BTRC: variants seen among roughly 807,000 people sequenced by gnomAD.
BTRC encodes F-box/WD repeat-containing protein 1A.
Under a neutral mutation model 85.5 loss-of-function variants are expected in BTRC, and 42 were observed. The ratio of observed to expected loss-of-function variants is 0.49; its 90% CI spans 0.38 to 0.64. BTRC has a LOEUF of 0.64. Ranked by LOEUF, BTRC falls within the 30% of genes least tolerant of loss-of-function variation. BTRC has a pLI of 0.00. For missense variants in BTRC, 594 were observed against 743.5 expected, an observed-to-expected ratio of 0.80 and a Z score of 2.34; for synonymous variants, 255 against 263.3, an observed-to-expected ratio of 0.97 and a Z score of 0.30.
Position 101,431,540 on chromosome 10 carries a change from CTG to C in BTRC, c.156+1089_156+1090del, listed in dbSNP as rs567766351. Among the ~76,000 whole-genome samples, 41 of 152,276 alleles carry C rather than the reference CTG, an allele frequency of 2.7e-4. 1 individual carries two copies. Among genetic ancestry groups the C allele is most frequent in the Middle Eastern group, 3.4e-3 (1 of 294 alleles). On this transcript the variant is annotated intron_variant, in intron 2 of 14. Coordinates refer to ENST00000370187, the MANE Select transcript of BTRC (RefSeq NM_033637.4). ...GATTGTTTTCTTGACTGAGTCTTATCTGCGTACCTCAGGTATTTGGAATTTGT... is the reference window on the plus strand; with the variant it reads ...GATTGTTTTCTTGACTGAGTCTTATCCGTACCTCAGGTATTTGGAATTTGT...
At chr10:101,365,769 G>T (rs1942355394) in intron 1 of BTRC, among the ~76,000 whole-genome samples, 1 of 152,154 alleles carries the variant, frequency 6.6e-6, no homozygotes, top group South Asian at 2.1e-4. Flanking sequence ...GAGCCACCAT[G>T]CCTAGACTTC....
In BTRC at chr10:101,383,398, A is replaced by T. The variant is rs66482315; in HGVS notation, c.48+29170A>T. Among the ~76,000 whole-genome samples the T allele has an allele frequency of 5.1e-3, 503 of 99,338 alleles. 1 individual carries two copies. The highest frequency in any genetic ancestry group is 0.012 in the South Asian group (36 of 2,960). 65.2% of individuals were successfully genotyped at this position (99,338 alleles called of 152,430 possible). On this transcript the variant is annotated intron_variant, in intron 1 of 14. Coordinates refer to ENST00000370187, the MANE Select transcript of BTRC (RefSeq NM_033637.4). Reference sequence around the variant, plus strand: ...GTGGCTTCTATAAGTCTTCCTTTTTAAAAAAAAAAAAAAAGGCTAGTCAAG... The same window carrying T: ...GTGGCTTCTATAAGTCTTCCTTTTTTAAAAAAAAAAAAAAGGCTAGTCAAG...
At chr10:101,361,596 G>A (rs1337996415) in intron 1 of BTRC, among the ~76,000 whole-genome samples, 4 of 152,200 alleles carry the variant, frequency 2.6e-5, no homozygotes, top group African/African-American at 9.7e-5. Context: ...TCTATGGGAA[G>A]GGTCCACTGG....
chr10:101,517,771 C>T (rs547452015), intron 4 of BTRC, among the ~76,000 whole-genome samples: 8 of 152,312 alleles, frequency 5.3e-5, no homozygotes, highest in Admixed American at 5.2e-4. Context: ...TTCTCATACT[C>T]ATATCCAGTC....
rs537363512 is a variant in BTRC, at chr10:101,431,838, T to G, written c.156+1386T>G. Among the ~76,000 whole-genome samples the G allele has an allele frequency of 2.0e-5, 3 of 152,316 alleles. No homozygotes were observed. In the East Asian group the frequency reaches 5.8e-4, roughly 29 times the overall value. On this transcript the variant is annotated intron_variant, in intron 2 of 14. Transcript: ENST00000370187. ...TTTACAAAATTTAATATCTTAAGAT[T>G]TTCAGTTTTCCTTTACAAAATTTAA...
At chr10:101,382,209 C>G (rs1042924625) in intron 1 of BTRC, among the ~76,000 whole-genome samples, 2 of 151,536 alleles carry the variant, frequency 1.3e-5, no homozygotes, top group Non-Finnish European at 2.9e-5. Flanking sequence ...TCTCGAACTC[C>G]CGACCTCAGG....
intron 3 of BTRC, among the ~76,000 whole-genome samples, chr10:101,470,389 G>T (rs2134195357): frequency 7.1e-6 from 1 of 141,530 alleles, no homozygotes; most frequent in Admixed American, 7.4e-5. Context: ...CTGGAGTGCA[G>T]TGACACAATC....
chr10:101,553,349 A>G lies in BTRC; in HGVS notation c.*226A>G, dbSNP rs1012613761. The stretch of plus-strand genomic sequence containing the variant: ...AACTGACTGCTTCAGTGCTGCTATC[A>G]GAAGATGTCTTCTATCTTTTGTGAA... On this transcript the variant is annotated 3_prime_UTR_variant, in exon 15 of 15. Coordinates refer to ENST00000370187, the MANE Select transcript of BTRC (RefSeq NM_033637.4). 6.6e-6 allele frequency: 1 copy of G among 152,660 alleles called. No individual in the cohort carries two copies. Among genetic ancestry groups the G allele is most frequent in the Non-Finnish European group, 1.5e-5 (1 of 68,052 alleles). 9.5% of individuals were successfully genotyped at this position (152,660 alleles called of 1,614,324 possible). A position where few individuals can be genotyped will look rare whatever the true frequency, so the allele number is the denominator to read the frequency against.
intron 1 of BTRC, among the ~76,000 whole-genome samples, chr10:101,380,347 C>T (rs1942897040): frequency 6.6e-6 from 1 of 151,292 alleles, no homozygotes; most frequent in African/African-American, 2.4e-5. Flanking sequence ...TCATGTGTCT[C>T]TTAAAGATGA....
intron 2 of BTRC, among the ~76,000 whole-genome samples, chr10:101,449,270 T>C (rs567415937): frequency 6.6e-6 from 1 of 151,942 alleles, no homozygotes; most frequent in Non-Finnish European, 1.5e-5. Flanking sequence ...ATGAAAGTCA[T>C]TTAGCAAAAA....
chr10:101,484,594 T>G (rs569022121), intron 4 of BTRC, among the ~76,000 whole-genome samples: 1 of 152,330 alleles, frequency 6.6e-6, no homozygotes, highest in African/African-American at 2.4e-5. Flanking sequence ...TTAAACTACA[T>G]GTTAACAGGC....
chr10:101,376,014 C>T (rs1156723931), intron 1 of BTRC, among the ~76,000 whole-genome samples: 1 of 152,132 alleles, frequency 6.6e-6, no homozygotes. Flanking sequence ...CAGGAAGGAG[C>T]TGAATTAACT....
intron 2 of BTRC, among the ~76,000 whole-genome samples, chr10:101,442,889 C>CTTTTTT (rs755689728): frequency 4.1e-5 from 5 of 122,378 alleles, no homozygotes; most frequent in Admixed American, 8.6e-5. Flanking sequence ...CTCACTTGCT[C>CTTTTTT]TTTTTTTTTT....
chr10:101,549,422 CTCTG>C (rs1162701363), intron 13 of BTRC, among the ~76,000 whole-genome samples: 1 of 151,528 alleles, frequency 6.6e-6, no homozygotes, highest in Non-Finnish European at 1.5e-5. Context: ...CAAAACAAGA[CTCTG>C]TCTCTAAAAA....
chr10:101,417,807 G>A (rs1322683119), intron 1 of BTRC, among the ~76,000 whole-genome samples: 1 of 152,056 alleles, frequency 6.6e-6, no homozygotes, highest in African/African-American at 2.4e-5. Context: ...CAAGTAGCTG[G>A]AACTACAGAT....
chr10:101,508,913 T>TAAAAAAAAACAAAA (rs1946612899), intron 4 of BTRC, among the ~76,000 whole-genome samples: 1 of 101,952 alleles, frequency 9.8e-6, no homozygotes, highest in Non-Finnish European at 2.0e-5. Flanking sequence ...GACTCCATCT[T>TAAAAAAAAACAAAA]AAAAAAAAAA....
chr10:101,382,755 T>A (rs941025074), intron 1 of BTRC, among the ~76,000 whole-genome samples: 1 of 152,202 alleles, frequency 6.6e-6, no homozygotes, highest in African/African-American at 2.4e-5. Context: ...CTGTGGTAGT[T>A]GTAAAATCAA....
In BTRC at chr10:101,553,897, G is replaced by C. The variant is rs1231206080; in HGVS notation, c.*774G>C. The C allele has an allele frequency of 6.6e-6, 1 of 152,604 alleles. No individual in the cohort carries two copies. Among genetic ancestry groups the C allele is most frequent in the African/African-American group, 2.4e-5 (1 of 41,430 alleles). The allele number at this position is 152,604 out of a possible 1,614,324, so 9.5% of individuals were successfully genotyped here. A position where few individuals can be genotyped will look rare whatever the true frequency, so the allele number is the denominator to read the frequency against. On this transcript the variant is annotated 3_prime_UTR_variant, in exon 15 of 15. Transcript: ENST00000370187. Reference sequence around the variant, plus strand: ...AGATCAGCCAGAAAATGCAACACTTGGAAGAGTTAAATGCTGTTCAGTGAA... The same window carrying C: ...AGATCAGCCAGAAAATGCAACACTTCGAAGAGTTAAATGCTGTTCAGTGAA...
At chr10:101,396,627 T>A (rs1297652894) in intron 1 of BTRC, among the ~76,000 whole-genome samples, 1 of 152,044 alleles carries the variant, frequency 6.6e-6, no homozygotes, top group Admixed American at 6.6e-5. Flanking sequence ...AATGGACACT[T>A]TCTCATAGCT....
Sources: gnomAD v4.1 joint callset for allele counts (sites outside exome capture counted in the v4.1 genomes callset) on GRCh38, gnomAD v4.1.1 for gene constraint, MANE v1.5 for transcripts, NCBI Gene and HGNC (gene_info 2026-07-23, HGNC 2026-07-21) for gene names.